PDCD6: variants seen among roughly 807,000 people sequenced by gnomAD.
PDCD6 encodes the protein programmed cell death 6.
PDCD6 carries 12 observed loss-of-function variants against 28.3 expected under a neutral mutation model. That is an observed-to-expected ratio of 0.42 (90% CI 0.27 to 0.69). PDCD6 has a LOEUF of 0.69. Ranked by LOEUF, PDCD6 falls within the 30% of genes least tolerant of loss-of-function variation. The pLI is 0.22. For synonymous variants in PDCD6, 92 were observed against 108.0 expected (o/e 0.85, Z 0.92); for missense variants, 226 against 269.9 (o/e 0.84, Z 1.14).
At chr5:278,703 A>T (rs911955963) in intron 2 of PDCD6, among the ~76,000 whole-genome samples, 1 of 151,328 alleles carries the variant, frequency 6.6e-6, no homozygotes, top group African/African-American at 2.4e-5. Flanking sequence ...ACAGAGCCAG[A>T]CCCTGTCTCA....
At chr5:308,512 C>G (rs907422870) in intron 4 of PDCD6, 1 of 152,226 alleles carries the variant, frequency 6.6e-6, no homozygotes, top group African/African-American at 2.4e-5. Context: ...GTTACCCTCA[C>G]GAGTTTCCTC....
intron 2 of PDCD6, chr5:275,979 G>T (rs1484952466): frequency 7.8e-7 from 1 of 1,286,012 alleles, no homozygotes; most frequent in Admixed American, 2.3e-5. Context: ...TTTGCTTTGG[G>T]CTCTAAGCTT....
chr5:285,046 C>T (rs1211386742), intron 2 of PDCD6, among the ~76,000 whole-genome samples: 1 of 150,580 alleles, frequency 6.6e-6, no homozygotes, highest in African/African-American at 2.4e-5. Flanking sequence ...ATCGGCTACC[C>T]CCGAGTCTCC....
chr5:304,292 C>T (rs1280281995), intron 3 of PDCD6, 71 bp downstream of exon 3: 2 of 994,426 alleles, frequency 2.0e-6, no homozygotes, highest in East Asian at 5.0e-5. Context: ...CTTGTGTTTC[C>T]TTTGTCTGTG....
At chr5:292,186 G>A (rs572367269) in intron 2 of PDCD6, among the ~76,000 whole-genome samples, 1 of 152,128 alleles carries the variant, frequency 6.6e-6, no homozygotes, top group African/African-American at 2.4e-5. Flanking sequence ...TTCCTCTTCT[G>A]TGGAGGGCCA....
chr5:278,869 C>T (rs1436876524), intron 2 of PDCD6, among the ~76,000 whole-genome samples: 16 of 64,250 alleles, frequency 2.5e-4, no homozygotes, highest in Admixed American at 5.8e-4. Flanking sequence ...GCTGGGGACA[C>T]GGGAGGGGCT....
At chr5:282,496 A>G (rs537489659) in intron 2 of PDCD6, among the ~76,000 whole-genome samples, 91 of 149,284 alleles carry the variant, frequency 6.1e-4, no homozygotes, top group African/African-American at 2.2e-3. Flanking sequence ...ATTGAGGATC[A>G]TGCAGCTGAA....
chr5:286,493 G>A (rs1738973433), intron 2 of PDCD6, among the ~76,000 whole-genome samples: 1 of 151,272 alleles, frequency 6.6e-6, no homozygotes, highest in Non-Finnish European at 1.5e-5. Flanking sequence ...CTTGTTTGAG[G>A]GCCTTCCAGC....
intron 2 of PDCD6, among the ~76,000 whole-genome samples, chr5:300,600 G>A (rs574227751): frequency 2.6e-5 from 4 of 152,342 alleles, no homozygotes; most frequent in African/African-American, 9.6e-5. Flanking sequence ...GTTTTCAGGC[G>A]GTTGCCCAGG....
intron 5 of PDCD6, 51 bp from the exon 6 acceptor site, chr5:314,366 C>T (rs1469273804): frequency 1.4e-6 from 2 of 1,379,500 alleles, no homozygotes; most frequent in South Asian, 1.2e-5. Flanking sequence ...TCCCAGTGCA[C>T]CTTGCTCCTT....
chr5:302,980 G>A (rs930327147), intron 2 of PDCD6, among the ~76,000 whole-genome samples: 1 of 152,256 alleles, frequency 6.6e-6, no homozygotes, highest in African/African-American at 2.4e-5. Context: ...CCAAGGGGAA[G>A]TTGGGAGGTG....
chr5:280,642 A>G (rs1299527968), intron 2 of PDCD6, among the ~76,000 whole-genome samples: 3 of 145,962 alleles, frequency 2.1e-5, no homozygotes, highest in Non-Finnish European at 4.5e-5. Flanking sequence ...CTGTGAGGGC[A>G]CTGTAGGCTG....
chr5:287,260 A>C (rs532627019), intron 2 of PDCD6, among the ~76,000 whole-genome samples: 2 of 152,274 alleles, frequency 1.3e-5, no homozygotes, highest in African/African-American at 2.4e-5. Context: ...AATCCTGGTC[A>C]GGAGCCAGTG....
At chr5:277,450 C>A (rs368149492) in intron 2 of PDCD6, among the ~76,000 whole-genome samples, 1 of 151,898 alleles carries the variant, frequency 6.6e-6, no homozygotes, top group Admixed American at 6.6e-5. Flanking sequence ...TACAGGCACC[C>A]GCCACCATGC....
chr5:293,266 C>T (rs1327135764), intron 2 of PDCD6, among the ~76,000 whole-genome samples: 2 of 152,094 alleles, frequency 1.3e-5, no homozygotes, highest in Non-Finnish European at 2.9e-5. Context: ...GCACTGGGAG[C>T]TGCAAACACC....
At chr5:275,395 C>T (rs550468534) in intron 2 of PDCD6, among the ~76,000 whole-genome samples, 6 of 152,358 alleles carry the variant, frequency 3.9e-5, no homozygotes, top group Admixed American at 2.0e-4. Flanking sequence ...ATGGCCACCC[C>T]ATTTCTCCTG....
intron 2 of PDCD6, among the ~76,000 whole-genome samples, chr5:292,687 G>C (rs949287190): frequency 2.0e-5 from 3 of 152,260 alleles, no homozygotes; most frequent in African/African-American, 4.8e-5. Flanking sequence ...AAGAGACAGA[G>C]AGGGATAGAA....
intron 2 of PDCD6, among the ~76,000 whole-genome samples, chr5:283,379 C>G (rs79145398): frequency 0.027 from 3,082 of 114,790 alleles, no homozygotes; most frequent in African/African-American, 0.1. Flanking sequence ...AGCTGATGTT[C>G]TAGTTTGAAT....
chr5:276,521 A>C (rs6872848), intron 2 of PDCD6: 150,408 of 977,000 alleles, frequency 0.15, 16,300 homozygotes, highest in African/African-American at 0.53. Flanking sequence ...GGCTGGTCTC[A>C]AACTCCTAGG....
Sources: allele counts gnomAD v4.1 joint callset (sites outside exome capture counted in the v4.1 genomes callset), GRCh38; gene constraint gnomAD v4.1.1; transcripts MANE v1.5; gene names NCBI Gene and HGNC (gene_info 2026-07-23, HGNC 2026-07-21).